The following KIAA1217 variants were observed in gnomAD, a reference collection of about 807,000 sequenced individuals.
KIAA1217 encodes the protein KIAA1217.
KIAA1217 carries 88 observed loss-of-function variants against 163.9 expected under a neutral mutation model. That is an observed-to-expected ratio of 0.54 (90% CI 0.45 to 0.64). KIAA1217 has a LOEUF of 0.64. KIAA1217 is among the 30% of genes least tolerant of loss of function. The pLI is 0.00. For missense variants in KIAA1217, 2,372 were observed against 2,475.0 expected (o/e 0.96, Z 0.88); for synonymous variants, 903 against 923.1 (o/e 0.98, Z 0.39).
chr10:23,918,595 C>G (rs1842717822), intron 1 of KIAA1217, among the ~76,000 whole-genome samples: 1 of 152,134 alleles, frequency 6.6e-6, no homozygotes, highest in Non-Finnish European at 1.5e-5. Context: ...CATAGACCTG[C>G]TGTCGGCATC....
intron 2 of KIAA1217, among the ~76,000 whole-genome samples, chr10:24,045,913 T>C (rs545754065): frequency 5.9e-5 from 9 of 152,212 alleles, no homozygotes; most frequent in African/African-American, 1.9e-4. Context: ...TGTTCACCTA[T>C]GGAGAATTTT....
At chr10:24,507,839 A>G (rs567245364) in intron 9 of KIAA1217, among the ~76,000 whole-genome samples, 5 of 152,320 alleles carry the variant, frequency 3.3e-5, no homozygotes, top group Admixed American at 1.3e-4. Flanking sequence ...AGATAAATGG[A>G]AAAATCTTCA....
At chr10:24,379,081 G>A (rs2052937161) in intron 2 of KIAA1217, among the ~76,000 whole-genome samples, 1 of 151,976 alleles carries the variant, frequency 6.6e-6, no homozygotes, top group Admixed American at 6.6e-5. Flanking sequence ...GTTGCTTAAA[G>A]TAATATTATT....
chr10:24,088,237 GCT>G (rs1193746010), intron 2 of KIAA1217, among the ~76,000 whole-genome samples: 6 of 95,382 alleles, frequency 6.3e-5, no homozygotes, highest in South Asian at 3.3e-4. Flanking sequence ...GTCCTCCCAG[GCT>G]CTGTTTTTTT....
intron 1 of KIAA1217, among the ~76,000 whole-genome samples, chr10:23,765,354 T>A (rs1834460065): frequency 6.6e-6 from 1 of 151,940 alleles, no homozygotes; most frequent in African/African-American, 2.4e-5. Flanking sequence ...TTTGTACTTT[T>A]AGTAGAGACG....
chr10:23,792,088 A>G (rs1347908790), intron 1 of KIAA1217, among the ~76,000 whole-genome samples: 1 of 152,246 alleles, frequency 6.6e-6, no homozygotes, highest in Admixed American at 6.5e-5. Flanking sequence ...AAATCAATTA[A>G]ATAGAAAGTC....
At chr10:24,342,394 G>A (rs536051491) in intron 2 of KIAA1217, among the ~76,000 whole-genome samples, 2 of 152,148 alleles carry the variant, frequency 1.3e-5, no homozygotes, top group South Asian at 2.1e-4. Flanking sequence ...AACTTCATAC[G>A]TTAAGCTGTG....
intron 1 of KIAA1217, among the ~76,000 whole-genome samples, chr10:24,216,845 G>T (rs1436533086): frequency 4.9e-5 from 7 of 142,894 alleles, no homozygotes; most frequent in Non-Finnish European, 9.1e-5. Flanking sequence ...AAAAAAAAAA[G>T]GTAAAAAATA....
chr10:24,531,724 C>T, intron 14 of KIAA1217, 106 bp from the exon 15 acceptor site: 1 of 1,151,840 alleles, frequency 8.7e-7, no homozygotes, highest in Non-Finnish European at 1.2e-6. Flanking sequence ...ATGGAGAGAA[C>T]AGAAAATTTT....
At chr10:24,258,602 T>C (rs1052109491) in intron 2 of KIAA1217, among the ~76,000 whole-genome samples, 16 of 151,094 alleles carry the variant, frequency 1.1e-4, no homozygotes, top group Non-Finnish European at 3.0e-5. Flanking sequence ...TTTTTTTTTT[T>C]CTTTTTTTGA....
intron 1 of KIAA1217, among the ~76,000 whole-genome samples, chr10:23,785,934 TAAAG>T (rs1835471997): frequency 6.6e-6 from 1 of 151,764 alleles, no homozygotes; most frequent in African/African-American, 2.4e-5. Context: ...CTGTTGGAAA[TAAAG>T]AAAAAGGAGG....
intron 1 of KIAA1217, among the ~76,000 whole-genome samples, chr10:23,822,566 T>A (rs1837671844): frequency 6.6e-6 from 1 of 152,228 alleles, no homozygotes; most frequent in African/African-American, 2.4e-5. Flanking sequence ...ATTTGACTGA[T>A]AAGTCAATAG....
rs1281456967 is a variant in KIAA1217 at position 24,401,775 on chromosome 10, A to G, written c.553+20708A>G. On this transcript the variant is annotated intron_variant, in intron 3 of 20. Transcript: ENST00000376454. ...GCATGTAGTTTGGGAAGTAAGAAAT[A>G]AAACTGTCTCTGTTTGCAGATGACA... Among the ~76,000 whole-genome samples the G allele has an allele frequency of 2.0e-5, 3 of 152,364 alleles. No homozygotes were observed. The East Asian group carries it at 5.8e-4, about 29-fold the overall frequency.
At chr10:23,769,505 C>A (rs1386698709) in intron 1 of KIAA1217, among the ~76,000 whole-genome samples, 2 of 152,188 alleles carry the variant, frequency 1.3e-5, no homozygotes, top group East Asian at 1.9e-4. Flanking sequence ...GTCTGGACCC[C>A]AGGCAAGAAG....
chr10:24,432,114 C>T (rs950483736), intron 3 of KIAA1217, among the ~76,000 whole-genome samples: 2 of 141,324 alleles, frequency 1.4e-5, no homozygotes, highest in Admixed American at 7.1e-5. Context: ...AATTAAGTAT[C>T]GTCCTTTTTT....
intron 2 of KIAA1217, among the ~76,000 whole-genome samples, chr10:24,046,247 C>A (rs906978086): frequency 9.9e-5 from 15 of 152,032 alleles, no homozygotes; most frequent in African/African-American, 3.1e-4. Context: ...ATGACGATGA[C>A]GATGATACCT....
chr10:23,907,568 T>C (rs1347361294), intron 1 of KIAA1217, among the ~76,000 whole-genome samples: 1 of 152,050 alleles, frequency 6.6e-6, no homozygotes, highest in Non-Finnish European at 1.5e-5. Context: ...GGAGTGCTGA[T>C]GTCCCAGGGC....
At chr10:23,818,046 T>C (rs1353519471) in intron 1 of KIAA1217, among the ~76,000 whole-genome samples, 1 of 125,398 alleles carries the variant, frequency 8.0e-6, no homozygotes, top group Non-Finnish European at 1.6e-5. Context: ...TACATATATA[T>C]ACACATATAT....
At chr10:23,841,390 G>A (rs751830926) in intron 1 of KIAA1217, among the ~76,000 whole-genome samples, 1 of 152,080 alleles carries the variant, frequency 6.6e-6, no homozygotes, top group Non-Finnish European at 1.5e-5. Flanking sequence ...GCAGTGAAAT[G>A]GTACACAGTC....
Sources: gnomAD v4.1 joint callset for allele counts (sites outside exome capture counted in the v4.1 genomes callset) on GRCh38, gnomAD v4.1.1 for gene constraint, MANE v1.5 for transcripts, NCBI Gene and HGNC (gene_info 2026-07-23, HGNC 2026-07-21) for gene names.